The following CCDC192 variants were observed in gnomAD, a reference collection of about 807,000 sequenced individuals.
The protein encoded by CCDC192 is coiled-coil domain-containing protein 192.
intron 4 of CCDC192, 133 bp downstream of exon 4, chr5:127,797,367 G>T (rs146071577): frequency 2.7e-6 from 1 of 366,052 alleles, no homozygotes; most frequent in Non-Finnish European, 4.9e-6. Context: ...AACAATATTT[G>T]TATTTGCTAA....
intron 3 of CCDC192, chr5:127,785,936 C>T (rs1756511804): frequency 2.1e-6 from 1 of 470,714 alleles, no homozygotes; most frequent in African/African-American, 2.0e-5. Context: ...TTATGAAGGT[C>T]AAGCACCTTC....
At chr5:127,760,432 T>G (rs1754848938) in intron 3 of CCDC192, among the ~76,000 whole-genome samples, 1 of 151,486 alleles carries the variant, frequency 6.6e-6, no homozygotes, top group Non-Finnish European at 1.5e-5. Context: ...TGATGAGAGG[T>G]CTGGGTTAGC....
chr5:127,826,870 C>G (rs1749556340), intron 5 of CCDC192, among the ~76,000 whole-genome samples: 1 of 152,028 alleles, frequency 6.6e-6, no homozygotes, highest in South Asian at 2.1e-4. Context: ...AAGACCATCT[C>G]TCAAGCTTCT....
intron 6 of CCDC192, among the ~76,000 whole-genome samples, chr5:127,931,419 T>C (rs999566654): frequency 6.6e-6 from 1 of 152,150 alleles, no homozygotes; most frequent in African/African-American, 2.4e-5. Context: ...GCAAGGACCA[T>C]GGATGCATTC....
chr5:127,731,641 C>T (rs1752645244), intron 2 of CCDC192, among the ~76,000 whole-genome samples: 1 of 152,152 alleles, frequency 6.6e-6, no homozygotes, highest in Non-Finnish European at 1.5e-5. Flanking sequence ...GTAACCAAAA[C>T]AGCATTGTAC....
intron 5 of CCDC192, among the ~76,000 whole-genome samples, chr5:127,867,559 G>T (rs1405779146): frequency 1.3e-5 from 2 of 152,152 alleles, no homozygotes; most frequent in Non-Finnish European, 2.9e-5. Flanking sequence ...ATGTAGCTTT[G>T]GCCCTTTGGG....
intron 6 of CCDC192, among the ~76,000 whole-genome samples, chr5:127,912,500 G>T (rs1753402908): frequency 6.8e-6 from 1 of 146,000 alleles, no homozygotes; most frequent in African/African-American, 2.5e-5. Context: ...TACTAAAGAT[G>T]TTTAGAGCTT....
intron 2 of CCDC192, among the ~76,000 whole-genome samples, chr5:127,723,967 T>G (rs1752166856): frequency 6.6e-6 from 1 of 152,252 alleles, no homozygotes; most frequent in Non-Finnish European, 1.5e-5. Context: ...ATCAATGTGG[T>G]GTACTATCTG....
intron 3 of CCDC192, chr5:127,786,995 C>T (rs909906890): frequency 2.8e-6 from 1 of 360,314 alleles, no homozygotes. Context: ...CTGGTCTAAG[C>T]CAATCTGCTT....
chr5:127,766,923 A>G (rs1456015659), intron 3 of CCDC192, among the ~76,000 whole-genome samples: 1 of 152,210 alleles, frequency 6.6e-6, no homozygotes, highest in African/African-American at 2.4e-5. Flanking sequence ...TGCCTTCCTC[A>G]TTCAGAGTAG....
intron 2 of CCDC192, among the ~76,000 whole-genome samples, chr5:127,743,951 A>G (rs1183044978): frequency 2.0e-5 from 3 of 151,822 alleles, no homozygotes; most frequent in South Asian, 4.2e-4. Context: ...AAAATTAGCC[A>G]GGCATGGTGG....
chr5:127,940,899 G>T, intron 6 of CCDC192: 1 of 274,960 alleles, frequency 3.6e-6, no homozygotes. Context: ...TTATTCCCAT[G>T]GTTAACTGAA....
chr5:127,721,403 C>T (rs1388190516), intron 2 of CCDC192, among the ~76,000 whole-genome samples: 2 of 152,200 alleles, frequency 1.3e-5, no homozygotes, highest in South Asian at 4.1e-4. Flanking sequence ...GACCTTACTC[C>T]AGTTCTCAAT....
At chr5:127,753,900 T>G (rs1426637800) in intron 2 of CCDC192, among the ~76,000 whole-genome samples, 1 of 152,154 alleles carries the variant, frequency 6.6e-6, no homozygotes, top group African/African-American at 2.4e-5. Flanking sequence ...AGATGACTGT[T>G]AAAAACATAG....
intron 3 of CCDC192, among the ~76,000 whole-genome samples, chr5:127,762,290 C>T (rs1438217068): frequency 2.0e-5 from 3 of 152,124 alleles, no homozygotes; most frequent in African/African-American, 7.2e-5. Context: ...AAAATGAGTT[C>T]CTTATCAACA....
intron 3 of CCDC192, among the ~76,000 whole-genome samples, chr5:127,768,409 T>G (rs1755355360): frequency 1.3e-5 from 2 of 152,178 alleles, no homozygotes; most frequent in South Asian, 4.1e-4. Flanking sequence ...GTGATGCTTC[T>G]GCAAGCAAAT....
intron 6 of CCDC192, among the ~76,000 whole-genome samples, chr5:127,919,347 A>C (rs1308699929): frequency 6.6e-6 from 1 of 152,096 alleles, no homozygotes; most frequent in African/African-American, 2.4e-5. Flanking sequence ...ACTACAGATA[A>C]TTTTTTAAGT....
intron 6 of CCDC192, among the ~76,000 whole-genome samples, chr5:127,913,289 T>C (rs1412906546): frequency 6.6e-6 from 1 of 152,218 alleles, no homozygotes; most frequent in Non-Finnish European, 1.5e-5. Flanking sequence ...CTTTACCATA[T>C]TTTCCAAAAG....
At chr5:127,745,486 C>T (rs757008709) in intron 2 of CCDC192, among the ~76,000 whole-genome samples, 7 of 152,086 alleles carry the variant, frequency 4.6e-5, no homozygotes, top group Non-Finnish European at 8.8e-5. Flanking sequence ...GGTGTCTTTA[C>T]TGTAATCAAA....
Sources: allele counts gnomAD v4.1 joint callset (sites outside exome capture counted in the v4.1 genomes callset), GRCh38; gene constraint gnomAD v4.1.1; transcripts MANE v1.5; gene names NCBI Gene and HGNC (gene_info 2026-07-23, HGNC 2026-07-21).